PON3: variants seen among roughly 807,000 people sequenced by gnomAD.
The protein encoded by PON3 is serum paraoxonase/lactonase 3.
In PON3, 37 loss-of-function variants were observed where a neutral mutation model predicts 36.3. The ratio of observed to expected loss-of-function variants is 1.02; its 90% CI spans 0.78 to 1.34. The LOEUF (loss-of-function observed/expected upper bound fraction) is 1.34, where lower values mean the gene tolerates loss of function less well. Among genes scored for constraint, PON3 ranks in the 40% most tolerant of loss-of-function variants. PON3 has a pLI of 0.00. For synonymous variants in PON3, 155 were observed against 154.8 expected, an observed-to-expected ratio of 1.00 and a Z score of -0.01; for missense variants, 415 against 426.5, an observed-to-expected ratio of 0.97 and a Z score of 0.24.
intron 3 of PON3, among the ~76,000 whole-genome samples, chr7:95,388,874 G>C (rs1054738184): frequency 6.6e-6 from 1 of 152,144 alleles, no homozygotes; most frequent in Non-Finnish European, 1.5e-5. Flanking sequence ...TCACTCATAA[G>C]TGGGAGTTGA....
At chr7:95,370,558 C>T (rs1808788882) in intron 4 of PON3, among the ~76,000 whole-genome samples, 2 of 152,140 alleles carry the variant, frequency 1.3e-5, no homozygotes, top group African/African-American at 4.8e-5. Flanking sequence ...GCTTGCTAAG[C>T]AAATAAAAGT....
At chr7:95,394,248 T>C (rs748470907) in intron 2 of PON3, among the ~76,000 whole-genome samples, 1 of 149,514 alleles carries the variant, frequency 6.7e-6, no homozygotes, top group Non-Finnish European at 1.5e-5. Flanking sequence ...TGAAAAAAAA[T>C]AACACTTGAA....
At chr7:95,360,688 T>C (rs919638801) in intron 8 of PON3, among the ~76,000 whole-genome samples, 1 of 152,120 alleles carries the variant, frequency 6.6e-6, no homozygotes. Context: ...CACTTAACTT[T>C]GCTAATCAGT....
At chr7:95,366,036 G>A (rs1046023607) in intron 5 of PON3, 10 of 150,858 alleles carry the variant, frequency 6.6e-5, no homozygotes, top group African/African-American at 2.2e-4. Flanking sequence ...CAGGGGGAGT[G>A]GGGTGGGGAG....
intron 4 of PON3, among the ~76,000 whole-genome samples, chr7:95,371,051 T>C (rs1295356982): frequency 6.6e-6 from 1 of 152,232 alleles, no homozygotes; most frequent in African/African-American, 2.4e-5. Flanking sequence ...ACATAATGTG[T>C]GGCTTTTAGT....
chr7:95,389,944 A>T (rs778699717), intron 3 of PON3, among the ~76,000 whole-genome samples: 3 of 152,216 alleles, frequency 2.0e-5, no homozygotes, highest in African/African-American at 4.8e-5. Context: ...ACCCCCAGGG[A>T]GTTGCCCACC....
intron 7 of PON3, 71 bp downstream of exon 7, chr7:95,362,689 G>C: frequency 7.1e-7 from 1 of 1,415,348 alleles, no homozygotes; most frequent in Non-Finnish European, 1.0e-6. Flanking sequence ...CATTCAAGGG[G>C]CACATTCCTG....
chr7:95,379,966 C>A (rs1044542535), intron 3 of PON3, among the ~76,000 whole-genome samples: 6 of 152,222 alleles, frequency 3.9e-5, no homozygotes, highest in African/African-American at 1.4e-4. Flanking sequence ...TACGGGCAGA[C>A]TGACACCTCA....
rs764009505 is a variant in PON3 at position 95,396,356 on chromosome 7, C to CG, written c.-7dup. ...AGCGCCACGAGCTTCCCCATGGTCT[C>CG]GGGGTGCCCAGCGGCGACTGCGCGG... On this transcript the variant is annotated 5_prime_UTR_variant, in exon 1 of 9. Transcript: ENST00000265627. 6.2e-7 allele frequency: 1 copy of CG among 1,613,408 alleles called. No homozygotes were observed. The highest frequency in any genetic ancestry group is 8.5e-7 in the Non-Finnish European group (1 of 1,179,716).
chr7:95,380,705 A>G (rs1191763634), intron 3 of PON3, among the ~76,000 whole-genome samples: 1 of 152,250 alleles, frequency 6.6e-6, no homozygotes, highest in Non-Finnish European at 1.5e-5. Flanking sequence ...GACTATGTGA[A>G]AAGACCAAAT....
chr7:95,382,237 A>T (rs1048016190), intron 3 of PON3, among the ~76,000 whole-genome samples: 10 of 152,232 alleles, frequency 6.6e-5, no homozygotes, highest in Non-Finnish European at 1.2e-4. Flanking sequence ...CTAAATGCCC[A>T]CAAGAGAAAG....
At chr7:95,393,037 T>C (rs1809353683) in intron 2 of PON3, among the ~76,000 whole-genome samples, 1 of 152,242 alleles carries the variant, frequency 6.6e-6, no homozygotes, top group African/African-American at 2.4e-5. Flanking sequence ...TGGTTTCTTC[T>C]GCTTTCCAGC....
chr7:95,375,082 C>T (rs1808885459), intron 3 of PON3, among the ~76,000 whole-genome samples: 1 of 152,118 alleles, frequency 6.6e-6, no homozygotes, highest in African/African-American at 2.4e-5. Flanking sequence ...AATCCATCCT[C>T]TCATTTATAT....
chr7:95,390,531 A>C (rs1169034573), intron 2 of PON3, among the ~76,000 whole-genome samples: 7 of 152,232 alleles, frequency 4.6e-5, no homozygotes, highest in Non-Finnish European at 1.0e-4. Flanking sequence ...TGAGAGATTC[A>C]GCTTTATCCC....
Position 95,367,461 on chromosome 7 carries a change from T to C in PON3, c.395A>G (p.Asn132Ser), listed in dbSNP as rs1378808830. 3.1e-6 allele frequency: 5 copies of C among 1,613,310 alleles called. No homozygotes were observed. Among genetic ancestry groups the C allele is most frequent in the Non-Finnish European group, 4.2e-6 (5 of 1,179,436 alleles). The part of the protein sequence containing the change: ...KDNTVYLYVV[N>S]HPHMKSTVEI... The stretch of plus-strand genomic sequence containing the variant: ...CACAGTGGACTTCATGTGGGGATGA[T>C]TCACAACATAAAGATACACAGTATT... The change falls in exon 5 of 9, where the codon AAT becomes AGT. Residue 132 changes from asparagine (N) to serine (S), a missense_variant. Transcript: ENST00000265627.
chr7:95,378,789 C>T (rs1454969308), intron 3 of PON3, among the ~76,000 whole-genome samples: 1 of 152,206 alleles, frequency 6.6e-6, no homozygotes, highest in Non-Finnish European at 1.5e-5. Flanking sequence ...GTACCAGCCA[C>T]TGCAAAAACA....
At chr7:95,366,913 G>C (rs1354747046) in intron 5 of PON3, among the ~76,000 whole-genome samples, 1 of 152,222 alleles carries the variant, frequency 6.6e-6, no homozygotes, top group African/African-American at 2.4e-5. Flanking sequence ...AAGTGCCCAA[G>C]GACTTTTAAA....
At chr7:95,367,589 C>T in intron 4 of PON3, 101 bp from the exon 5 acceptor site, 2 of 1,314,042 alleles carry the variant, frequency 1.5e-6, no homozygotes, top group East Asian at 2.3e-5. Flanking sequence ...TTTCTTCTTA[C>T]ATCTTGCATT....
At chr7:95,384,494 A>C (rs1173593601) in intron 3 of PON3, among the ~76,000 whole-genome samples, 1 of 152,074 alleles carries the variant, frequency 6.6e-6, no homozygotes. Flanking sequence ...CAAATAACTC[A>C]AACAAATTTA....
Sources: allele counts gnomAD v4.1 joint callset (sites outside exome capture counted in the v4.1 genomes callset), GRCh38; gene constraint gnomAD v4.1.1; transcripts MANE v1.5; gene names NCBI Gene and HGNC (gene_info 2026-07-23, HGNC 2026-07-21).